HAAO: variants seen among roughly 807,000 people sequenced by gnomAD.
HAAO encodes 3-hydroxyanthranilate oxygenase.
In HAAO, 49 loss-of-function variants were observed where a neutral mutation model predicts 46.2. The ratio of observed to expected loss-of-function variants is 1.06; its 90% CI spans 0.84 to 1.34. The LOEUF (loss-of-function observed/expected upper bound fraction) is 1.34. Among genes scored for constraint, HAAO ranks in the 40% most tolerant of loss-of-function variants. The pLI, the probability that HAAO is intolerant of heterozygous loss-of-function variation, is 0.00. For synonymous variants in HAAO, 157 were observed against 145.2 expected (o/e 1.08, Z -0.58); for missense variants, 408 against 364.5 (o/e 1.12, Z -0.97).
chr2:42,779,893 A>G (rs1404353920), intron 4 of HAAO, among the ~76,000 whole-genome samples: 1 of 152,224 alleles, frequency 6.6e-6, no homozygotes, highest in Non-Finnish European at 1.5e-5. Context: ...TATAAAAATT[A>G]TACAGGAAGC....
intron 2 of HAAO, among the ~76,000 whole-genome samples, chr2:42,784,168 C>T (rs774014033): frequency 1.6e-4 from 25 of 152,152 alleles, no homozygotes; most frequent in Middle Eastern, 3.2e-3. Flanking sequence ...AACTGAATGA[C>T]CCAGCAGTCA....
chr2:42,784,174 A>G (rs989699636), intron 2 of HAAO, among the ~76,000 whole-genome samples: 5 of 152,200 alleles, frequency 3.3e-5, no homozygotes, highest in African/African-American at 1.2e-4. Context: ...ATGACCCAGC[A>G]GTCAGGTAGG....
chr2:42,785,394 G>C (rs1672311878), intron 2 of HAAO, among the ~76,000 whole-genome samples: 2 of 152,182 alleles, frequency 1.3e-5, no homozygotes, highest in African/African-American at 4.8e-5. Flanking sequence ...AAATGCTAAA[G>C]TTACGTTAAA....
At chr2:42,774,422 T>C (rs1671385413) in intron 4 of HAAO, among the ~76,000 whole-genome samples, 1 of 152,220 alleles carries the variant, frequency 6.6e-6, no homozygotes, top group Non-Finnish European at 1.5e-5. Context: ...GCACCCCCTC[T>C]AGAGAATCCC....
chr2:42,774,151 C>T (rs993084539), intron 4 of HAAO, among the ~76,000 whole-genome samples: 1 of 152,216 alleles, frequency 6.6e-6, no homozygotes, highest in African/African-American at 2.4e-5. Flanking sequence ...TAAAACCAAG[C>T]TGTGCTCTGA....
chr2:42,770,458 G>T, intron 5 of HAAO, 35 bp downstream of exon 5: 1 of 1,419,940 alleles, frequency 7.0e-7, no homozygotes, highest in Non-Finnish European at 9.6e-7. Flanking sequence ...AGAGCCCCAG[G>T]AAAGCAAGAG....
At position 42,790,589 on chromosome 2, in the gene HAAO, T is replaced by C. The variant is rs1339426248; in HGVS notation, c.80+1868A>G. ...GCTTGCCACCCAGGCTGGAATGCAG[T>C]GGCACAACTTCGGCTCAGTGCAGCC... On this transcript the variant is annotated intron_variant, in intron 1 of 9. Coordinates refer to ENST00000294973, the MANE Select transcript of HAAO (RefSeq NM_012205.3). Among the ~76,000 whole-genome samples the C allele has an allele frequency of 2.0e-5, 3 of 151,158 alleles. No homozygotes were observed. The East Asian group carries it at 5.9e-4, about 30-fold the overall frequency.
chr2:42,781,997 T>C (rs970511476), intron 4 of HAAO, among the ~76,000 whole-genome samples: 2 of 152,234 alleles, frequency 1.3e-5, no homozygotes, highest in African/African-American at 2.4e-5. Context: ...AGAAAAATTA[T>C]GTTTTGAAAA....
At chr2:42,771,375 C>T (rs1393540507) in intron 4 of HAAO, among the ~76,000 whole-genome samples, 2 of 151,062 alleles carry the variant, frequency 1.3e-5, no homozygotes, top group Non-Finnish European at 2.9e-5. Flanking sequence ...TGCAGTGAGC[C>T]AAGATTGCAC....
Position 42,783,939 on chromosome 2 carries a change from G to A in HAAO, c.160-72C>T, listed in dbSNP as rs1672205316. 3 of 1,553,516 alleles carry A rather than the reference G, an allele frequency of 1.9e-6. No individual in the cohort carries two copies. In the East Asian group the frequency reaches 7.2e-5, roughly 37 times the overall value. ...GGTCCTTGGCCACTGCCCAGGCCCT[G>A]AATTCTGACCGGGAAACCTGAGAAA... On this transcript the variant is annotated intron_variant, in intron 2 of 9. Coordinates refer to ENST00000294973, the MANE Select transcript of HAAO (RefSeq NM_012205.3).
Position 42,792,500 on chromosome 2 carries a change from C to G in HAAO, c.37G>C (p.Glu13Gln), listed in dbSNP as rs749104598. 13 of 1,594,488 alleles carry G rather than the reference C, an allele frequency of 8.2e-6. No individual in the cohort carries two copies. Among genetic ancestry groups the G allele is most frequent in the Non-Finnish European group, 4.3e-6 (5 of 1,171,178 alleles). The change falls in exon 1 of 10, where the codon GAG (glutamate) becomes CAG (glutamine). Residue 13 changes from glutamate to glutamine, a missense_variant. Coordinates refer to ENST00000294973, the MANE Select transcript of HAAO (RefSeq NM_012205.3). The stretch of plus-strand genomic sequence containing the variant: ...GGGGGCTGGAAGGAGCCCCGGTTCT[C>G]CTTCACCCAGGCCCTCACTCCCAGG... Reference protein sequence around the residue: ...RRLGVRAWVKENRGSFQPPVC... With the variant: ...RRLGVRAWVKQNRGSFQPPVC...
intron 4 of HAAO, among the ~76,000 whole-genome samples, chr2:42,771,374 C>G (rs1179122815): frequency 6.6e-6 from 1 of 151,398 alleles, no homozygotes; most frequent in African/African-American, 2.4e-5. Flanking sequence ...TTGCAGTGAG[C>G]CAAGATTGCA....
chr2:42,779,129 T>C (rs1671802944), intron 4 of HAAO, among the ~76,000 whole-genome samples: 1 of 151,854 alleles, frequency 6.6e-6, no homozygotes, highest in African/African-American at 2.4e-5. Context: ...AATAAATAAA[T>C]AAGTTCAGTT....
chr2:42,772,429 C>G (rs1671205378), intron 4 of HAAO, among the ~76,000 whole-genome samples: 1 of 149,930 alleles, frequency 6.7e-6, no homozygotes, highest in East Asian at 2.0e-4. Flanking sequence ...TGCAGTGAGC[C>G]GAGATTGTAC....
intron 2 of HAAO, among the ~76,000 whole-genome samples, chr2:42,787,031 C>T (rs1002252863): frequency 3.3e-5 from 5 of 152,114 alleles, no homozygotes; most frequent in South Asian, 2.1e-4. Context: ...TGCACCACCC[C>T]GCCACCAAAA....
Position 42,788,561 on chromosome 2 carries a change from T to G in HAAO, c.127A>C (p.Arg43=). Residue 43 remains arginine (R), a synonymous_variant, in exon 2 of 10, where the codon AGG becomes CGG. Coordinates refer to ENST00000294973, the MANE Select transcript of HAAO (RefSeq NM_012205.3). ...KVMFIGGPNT[R]KDYHIEEGEE... is the part of the protein sequence containing the mutation. Reference sequence around the variant, plus strand: ...CCCTCTTCGATGTGATAGTCCTTCCTGGTGTTGGGGCCTCCGATGAACATG... The same window carrying G: ...CCCTCTTCGATGTGATAGTCCTTCCGGGTGTTGGGGCCTCCGATGAACATG... The G allele has an allele frequency of 1.2e-6, 2 of 1,607,990 alleles. No individual in the cohort carries two copies. The highest frequency in any genetic ancestry group is 1.7e-5 in the Admixed American group (1 of 60,018).
chr2:42,769,767 C>T lies in HAAO; in HGVS notation c.576G>A (p.Arg192=), dbSNP rs145337403. 3.2e-4 allele frequency: 522 copies of T among 1,614,052 alleles called. 3 individuals carry two copies. The African/African-American group carries it at 6.2e-3, about 19-fold the overall frequency. ...TGAGTGGTGTGCCTGCCTGCAGCTCCCTGTGGTGGCTGTCCAGCCAGGCAT... is the reference window on the plus strand; with the variant it reads ...TGAGTGGTGTGCCTGCCTGCAGCTCTCTGTGGTGGCTGTCCAGCCAGGCAT... The part of the protein sequence containing the change: ...SLDAWLDSHH[R]ELQAGTPLSL... The change falls in exon 7 of 10, where the codon AGG becomes AGA. Residue 192 remains arginine (R), a synonymous_variant. Coordinates refer to ENST00000294973, the MANE Select transcript of HAAO (RefSeq NM_012205.3).
Position 42,767,685 on chromosome 2 carries a change from AGAG to A in HAAO, c.700-11_700-9del, listed in dbSNP as rs748788017. On this transcript the variant is annotated splice_polypyrimidine_tract_variant and intron_variant, in intron 8 of 9. Transcript: ENST00000294973. ...CACCACCGAGGAGCCCTCCTGGAGA[AGAG>A]GAGCAGGAGAATCAAATGGAGACTG... 3.8e-6 allele frequency: 6 copies of A among 1,569,824 alleles called. No homozygotes were observed. In the East Asian group the frequency reaches 7.1e-5, roughly 19 times the overall value.
chr2:42,788,555 C>T lies in HAAO; in HGVS notation c.133G>A (p.Asp45Asn). 6.2e-7 allele frequency: 1 copy of T among 1,608,022 alleles called. No individual in the cohort carries two copies. The highest frequency in any genetic ancestry group is 8.5e-7 in the Non-Finnish European group (1 of 1,174,520). The change falls in exon 2 of 10, where the codon GAC becomes AAC. Residue 45 changes from aspartate (D) to asparagine (N), a missense_variant. Physicochemically the swap from Asp to Asn is conservative, Grantham distance 23. Transcript: ENST00000294973. ...TCTTCACCCTCTTCGATGTGATAGTCCTTCCTGGTGTTGGGGCCTCCGATG... is the reference window on the plus strand; with the variant it reads ...TCTTCACCCTCTTCGATGTGATAGTTCTTCCTGGTGTTGGGGCCTCCGATG... ...MFIGGPNTRK[D>N]YHIEEGEEVF...
Sources: gnomAD v4.1 joint callset for allele counts (sites outside exome capture counted in the v4.1 genomes callset) on GRCh38, gnomAD v4.1.1 for gene constraint, MANE v1.5 for transcripts, NCBI Gene and HGNC (gene_info 2026-07-23, HGNC 2026-07-21) for gene names.